The following LYZL4 variants were observed in gnomAD, a reference collection of about 807,000 sequenced individuals.
LYZL4 encodes lysozyme like 4, also known as lysozyme-like protein 4.
LYZL4 carries 13 observed loss-of-function variants against 17.6 expected under a neutral mutation model. That is an observed-to-expected ratio of 0.74 (90% CI 0.48 to 1.18). The LOEUF is 1.18. Ranked by LOEUF, LYZL4 falls within the 50% of genes most tolerant of loss-of-function variation. The pLI is 0.00. For synonymous variants in LYZL4, 64 were observed against 67.7 expected (o/e 0.95, Z 0.27); for missense variants, 174 against 188.2 (o/e 0.92, Z 0.44).
chr3:42,395,765 C>T (rs1698541713), downstream of LYZL4, among the ~76,000 whole-genome samples: 1 of 152,122 alleles, frequency 6.6e-6, no homozygotes, highest in Non-Finnish European at 1.5e-5. Context: ...TTTAAAATGG[C>T]AATACCTAAA....
At chr3:42,396,127 T>G (rs1698547581), downstream of LYZL4, among the ~76,000 whole-genome samples, 1 of 152,098 alleles carries the variant, frequency 6.6e-6, no homozygotes, top group Admixed American at 6.5e-5. Flanking sequence ...AAATATGGTG[T>G]GTCATATACT....
chr3:42,362,350 T>C, the LYZL4 span, among the ~76,000 whole-genome samples: 1 of 152,206 alleles, frequency 6.6e-6, no homozygotes, highest in Non-Finnish European at 1.5e-5. Flanking sequence ...AAAGGCACCA[T>C]CTGACAATCC....
At chr3:42,372,596 C>T in the LYZL4 span, among the ~76,000 whole-genome samples, 1 of 152,164 alleles carries the variant, frequency 6.6e-6, no homozygotes, top group Non-Finnish European at 1.5e-5. Context: ...GTGGAGCATG[C>T]CTCAGCATTG....
chr3:42,369,416 A>T, the LYZL4 span, among the ~76,000 whole-genome samples: 1 of 152,376 alleles, frequency 6.6e-6, no homozygotes, highest in East Asian at 1.9e-4. Flanking sequence ...TTTCTGCTTT[A>T]GCTGCCTCTG....
At chr3:42,361,468 AATT>A in the LYZL4 span, among the ~76,000 whole-genome samples, 3 of 152,260 alleles carry the variant, frequency 2.0e-5, no homozygotes, top group African/African-American at 7.2e-5. Flanking sequence ...TATTCTATAT[AATT>A]ATTATTTAAT....
intron 1 of LYZL4, among the ~76,000 whole-genome samples, chr3:42,408,518 C>T (rs2125604046): frequency 6.6e-6 from 1 of 152,306 alleles, no homozygotes; most frequent in Non-Finnish European, 1.5e-5. Flanking sequence ...CATAAAAGTT[C>T]CATTTTCCCT....
chr3:42,368,058 T>G, the LYZL4 span, among the ~76,000 whole-genome samples: 36 of 152,184 alleles, frequency 2.4e-4, 3 homozygotes, highest in Non-Finnish European at 2.9e-5. Flanking sequence ...ATAAGCAATT[T>G]GCACAGGACC....
At chr3:42,366,706 C>T in the LYZL4 span, among the ~76,000 whole-genome samples, 1 of 152,222 alleles carries the variant, frequency 6.6e-6, no homozygotes, top group Admixed American at 6.5e-5. Context: ...GCTCACAGCC[C>T]TCACACTCAA....
chr3:42,360,836 T>A, the LYZL4 span, among the ~76,000 whole-genome samples: 2 of 152,150 alleles, frequency 1.3e-5, no homozygotes, highest in Admixed American at 6.5e-5. Flanking sequence ...GAGAACTGTA[T>A]CAGAGATGTC....
the LYZL4 span, among the ~76,000 whole-genome samples, chr3:42,382,110 G>A: frequency 6.6e-6 from 1 of 152,206 alleles, no homozygotes; most frequent in Admixed American, 6.5e-5. Flanking sequence ...ATCACCTACT[G>A]TTTGCCAGAA....
intron 4 of LYZL4, among the ~76,000 whole-genome samples, chr3:42,402,898 C>T (rs1330829327): frequency 2.0e-5 from 3 of 152,180 alleles, no homozygotes; most frequent in South Asian, 2.1e-4. Flanking sequence ...TGAATCCACA[C>T]AATGGAATAC....
chr3:42,406,469 A>G (rs1427558225), intron 3 of LYZL4, among the ~76,000 whole-genome samples: 1 of 149,000 alleles, frequency 6.7e-6, no homozygotes, highest in African/African-American at 2.5e-5. Flanking sequence ...AAAAAAAAAA[A>G]AAAAAAAAAA....
chr3:42,407,448 A>G, intron 1 of LYZL4, 105 bp from the exon 2 acceptor site: 1 of 670,526 alleles, frequency 1.5e-6, no homozygotes, highest in African/African-American at 1.8e-5. Context: ...GCTTCGTGTC[A>G]CTGCAAATCT....
chr3:42,362,520 T>C, the LYZL4 span, among the ~76,000 whole-genome samples: 1 of 152,304 alleles, frequency 6.6e-6, no homozygotes, highest in African/African-American at 2.4e-5. Flanking sequence ...CACTAGCTGA[T>C]TTGGGGTCTC....
At chr3:42,382,474 G>A in the LYZL4 span, among the ~76,000 whole-genome samples, 1 of 151,918 alleles carries the variant, frequency 6.6e-6, no homozygotes, top group Non-Finnish European at 1.5e-5. Context: ...AAATATTATT[G>A]CTATTATTGA....
At chr3:42,377,653 G>GTA in the LYZL4 span, among the ~76,000 whole-genome samples, 6 of 151,830 alleles carry the variant, frequency 4.0e-5, no homozygotes, top group African/African-American at 1.5e-4. Context: ...GTGTGTGTGT[G>GTA]TGTGTGTGTG....
chr3:42,404,719 T>C (rs943212321), intron 3 of LYZL4, among the ~76,000 whole-genome samples: 19 of 152,220 alleles, frequency 1.2e-4, no homozygotes, highest in Admixed American at 1.0e-3. Context: ...TCTATGTTTA[T>C]AGATATCTAT....
At chr3:42,365,686 G>T in the LYZL4 span, among the ~76,000 whole-genome samples, 1 of 152,074 alleles carries the variant, frequency 6.6e-6, no homozygotes, top group African/African-American at 2.4e-5. Context: ...ACAAGGCCAC[G>T]ACACGGTGTG....
At chr3:42,402,462 C>A (rs906921887) in intron 4 of LYZL4, among the ~76,000 whole-genome samples, 1 of 151,786 alleles carries the variant, frequency 6.6e-6, no homozygotes, top group African/African-American at 2.4e-5. Flanking sequence ...AAGAAAAAGA[C>A]AGCACAATAG....
Sources: allele counts gnomAD v4.1 joint callset (sites outside exome capture counted in the v4.1 genomes callset), GRCh38; gene constraint gnomAD v4.1.1; transcripts MANE v1.5; gene names NCBI Gene and HGNC (gene_info 2026-07-23, HGNC 2026-07-21).